Variants in RALGDS observed in about 807,000 individuals in gnomAD.
The protein encoded by RALGDS is ral guanine nucleotide dissociation stimulator, also known as ral guanine nucleotide exchange factor.
Under a neutral mutation model 99.8 loss-of-function variants are expected in RALGDS, and 44 were observed. The observed-to-expected ratio is 0.44, with a 90% CI of 0.35 to 0.57. The LOEUF (loss-of-function observed/expected upper bound fraction) is 0.57, where lower values mean the gene tolerates loss of function less well. Among genes scored for constraint, RALGDS ranks in the 20% least tolerant of loss-of-function variants. RALGDS has a pLI of 0.01. For missense variants in RALGDS, 1,022 were observed against 1,203.1 expected (o/e 0.85, Z 2.23); for synonymous variants, 529 against 505.0 (o/e 1.05, Z -0.64).
chr9:133,140,958 C>A (rs1373065248), intron 1 of RALGDS, among the ~76,000 whole-genome samples: 1 of 152,158 alleles, frequency 6.6e-6, no homozygotes, highest in Non-Finnish European at 1.5e-5. Context: ...TGGGCAGAGT[C>A]CCCATGGGAT....
Position 133,121,124 on chromosome 9 carries a change from CG to C in RALGDS, c.30del (p.Pro12LeufsTer42). On this transcript the variant is annotated frameshift_variant, in exon 1 of 18. Coordinates refer to ENST00000372050, the MANE Select transcript of RALGDS (RefSeq NM_006266.4). LOFTEE classifies it high-confidence loss of function. Reference protein sequence around the residue: MVQRMWAEAAGPAGGAEPLF... With the variant: MVQRMWAEAXGPAGGAEPLF... ...AGCGGCTCGGCGCCGCCAGCAGGCC[CG>C]GCCGCCTCGGCCCACATGCGCTGCA... is the stretch of plus-strand genomic sequence containing the variant. 1 of 1,455,426 alleles carries C rather than the reference CG, an allele frequency of 6.9e-7. No homozygotes were observed. The highest frequency in any genetic ancestry group is 9.0e-7 in the Non-Finnish European group (1 of 1,108,714). 90.2% of individuals were successfully genotyped at this position (1,455,426 alleles called of 1,614,324 possible). A position where few individuals can be genotyped will look rare whatever the true frequency, so the allele number is the denominator to read the frequency against.
chr9:133,120,109 G>A (rs2119210057), intron 1 of RALGDS, among the ~76,000 whole-genome samples: 1 of 152,274 alleles, frequency 6.6e-6, no homozygotes, highest in Admixed American at 6.5e-5. Flanking sequence ...CAGGGCGAGG[G>A]GGGCATCTCT....
upstream of RALGDS, among the ~76,000 whole-genome samples, chr9:133,124,686 G>A (rs553109067): frequency 1.3e-5 from 2 of 152,180 alleles, no homozygotes; most frequent in South Asian, 2.1e-4. Flanking sequence ...CCCTCAGATC[G>A]GGCGGGCCTG....
At chr9:133,146,895 G>A (rs1249509359) in intron 1 of RALGDS, among the ~76,000 whole-genome samples, 1 of 152,200 alleles carries the variant, frequency 6.6e-6, no homozygotes, top group East Asian at 1.9e-4. Flanking sequence ...CCAATAACAT[G>A]AGAATGGCCT....
At chr9:133,126,479 C>T (rs1356322830) in intron 1 of RALGDS, among the ~76,000 whole-genome samples, 1 of 152,240 alleles carries the variant, frequency 6.6e-6, no homozygotes, top group Non-Finnish European at 1.5e-5. Flanking sequence ...TCCCTCTTCT[C>T]CTGTAACTCT....
Position 133,145,993 on chromosome 9 carries a change from G to A in RALGDS, c.18+2970C>T, listed in dbSNP as rs116499008. Among the ~76,000 whole-genome samples, 436 of 152,310 alleles carry A rather than the reference G, an allele frequency of 2.9e-3. 3 individuals are homozygous for A. The highest frequency in any genetic ancestry group is 9.7e-3 in the African/African-American group (404 of 41,564). ...TTCTCACAGGGGCGAGACACAGCCCGGAATACAAGTCGGACAGGCTGGGCA... is the reference window on the plus strand; with the variant it reads ...TTCTCACAGGGGCGAGACACAGCCCAGAATACAAGTCGGACAGGCTGGGCA... On this transcript the variant is annotated intron_variant, in intron 1 of 17. Coordinates refer to the RALGDS transcript ENST00000393160.
intron 1 of RALGDS, among the ~76,000 whole-genome samples, chr9:133,114,787 C>T (rs981779758): frequency 2.0e-5 from 3 of 152,252 alleles, no homozygotes; most frequent in African/African-American, 7.2e-5. Flanking sequence ...TGTCCCACCC[C>T]TAGCAGGCAT....
intron 8 of RALGDS, 65 bp downstream of exon 8, chr9:133,106,578 AAG>A (rs1831068557): frequency 1.6e-6 from 2 of 1,259,806 alleles, no homozygotes; most frequent in East Asian, 5.1e-5. Context: ...TGGGCTCACT[AAG>A]GGGGTGATGC....
chr9:133,148,937 C>T (rs529087091), intron 1 of RALGDS: 6 of 1,601,512 alleles, frequency 3.7e-6, no homozygotes, highest in African/African-American at 2.7e-5. Flanking sequence ...ACCCGCGACG[C>T]GAGGCTGGGG....
rs866093295 is a variant in RALGDS at position 133,098,839 on chromosome 9, A to G, written c.2570-77T>C. On this transcript the variant is annotated intron_variant, in intron 17 of 17. Coordinates refer to ENST00000372050, the MANE Select transcript of RALGDS (RefSeq NM_006266.4). ...GGATACCCCTACCGCTTGAGAGCCC[A>G]TACAAGGACTGTCTTGAGCCACAGA... 20 of 1,453,734 alleles carry G rather than the reference A, an allele frequency of 1.4e-5. No homozygotes were observed. The Middle Eastern group carries it at 3.4e-3, about 245-fold the overall frequency. 90.1% of individuals were successfully genotyped at this position (1,453,734 alleles called of 1,614,324 possible).
chr9:133,105,144 G>A (rs1001786883), intron 9 of RALGDS, among the ~76,000 whole-genome samples: 2 of 152,144 alleles, frequency 1.3e-5, no homozygotes, highest in African/African-American at 4.8e-5. Context: ...CGGAGGGAGA[G>A]GGACAGGTGT....
Position 133,149,026 on chromosome 9 carries a change from G to A in RALGDS, c.-46C>T, listed in dbSNP as rs1005426136. Reference sequence around the variant, plus strand: ...CGCCGGCCCCAGGGCGGGACCCGGGGCTCGCAGAGGCCGCTCGCCTGGGCC... The same window carrying A: ...CGCCGGCCCCAGGGCGGGACCCGGGACTCGCAGAGGCCGCTCGCCTGGGCC... On this transcript the variant is annotated 5_prime_UTR_variant, in exon 1 of 18. Coordinates refer to the RALGDS transcript ENST00000393160. The A allele has an allele frequency of 1.5e-5, 23 of 1,511,656 alleles. No individual in the cohort carries two copies. The African/African-American group carries it at 2.9e-4, about 19-fold the overall frequency. 93.6% of individuals were successfully genotyped at this position (1,511,656 alleles called of 1,614,324 possible).
At chr9:133,139,220 C>G (rs548258810) in intron 1 of RALGDS, among the ~76,000 whole-genome samples, 1 of 152,342 alleles carries the variant, frequency 6.6e-6, no homozygotes, top group South Asian at 2.1e-4. Context: ...GCCGCTGCCC[C>G]TGCAGGCCCA....
chr9:133,125,715 G>A (rs763769247), upstream of RALGDS, among the ~76,000 whole-genome samples: 39 of 152,126 alleles, frequency 2.6e-4, no homozygotes, highest in African/African-American at 7.5e-4. Flanking sequence ...CAGCCTGGGC[G>A]ACAAAGCAAG....
chr9:133,129,422 C>T, intron 1 of RALGDS: 1 of 1,412,260 alleles, frequency 7.1e-7, no homozygotes, highest in Non-Finnish European at 9.2e-7. Context: ...AGTGCCTGGG[C>T]CTGGTGTCAC....
chr9:133,146,636 T>C (rs1282190792), intron 1 of RALGDS, among the ~76,000 whole-genome samples: 1 of 152,210 alleles, frequency 6.6e-6, no homozygotes. Context: ...ATTTAGTGAC[T>C]GGCTTCTCAC....
At chr9:133,108,446 C>T in intron 5 of RALGDS, 40 bp from the exon 6 acceptor site, 1 of 1,518,266 alleles carries the variant, frequency 6.6e-7, no homozygotes, top group Non-Finnish European at 8.8e-7. Context: ...CCAGCCTTTC[C>T]TGTGCCTTTC....
At chr9:133,139,312 G>A (rs1832479903) in intron 1 of RALGDS, among the ~76,000 whole-genome samples, 1 of 152,190 alleles carries the variant, frequency 6.6e-6, no homozygotes, top group Non-Finnish European at 1.5e-5. Flanking sequence ...GAGGAGGCAG[G>A]GCTCCATGCA....
intron 17 of RALGDS, chr9:133,099,645 TAC>T (rs1830661702): frequency 1.5e-4 from 1 of 6,770 alleles, no homozygotes; most frequent in South Asian, 6.2e-3. Context: ...TACACATATA[TAC>T]ATACATATAC....
Sources: gnomAD v4.1 joint callset for allele counts (sites outside exome capture counted in the v4.1 genomes callset) on GRCh38, gnomAD v4.1.1 for gene constraint, MANE v1.5 for transcripts, NCBI Gene and HGNC (gene_info 2026-07-23, HGNC 2026-07-21) for gene names.